Variants in KLHDC4 observed in about 807,000 individuals in gnomAD.
KLHDC4 encodes the protein kelch domain-containing protein 4.
Under a neutral mutation model 62.4 loss-of-function variants are expected in KLHDC4, and 90 were observed. The ratio of observed to expected loss-of-function variants is 1.44; its 90% CI spans 1.22 to 1.72. The LOEUF (loss-of-function observed/expected upper bound fraction) is 1.72, where lower values mean the gene tolerates loss of function less well. Ranked by LOEUF, KLHDC4 falls within the 40% of genes most tolerant of loss-of-function variation. The probability of loss-of-function intolerance (pLI) is 0.00; values close to 1 mark genes in which losing one functional copy is unlikely to be tolerated. For synonymous variants in KLHDC4, 386 were observed against 284.4 expected (o/e 1.36, Z -3.59); for missense variants, 1,025 against 699.7 (o/e 1.47, Z -5.25).
chr16:87,726,820 T>C lies in KLHDC4; in HGVS notation c.704A>G (p.Gln235Arg), dbSNP rs1445224500. ...GCCGCCCTGGGGAGTGACGGACATC[T>C]GGCAGCCTGATCTGGGTGTGGGCCC... Reference protein sequence around the residue: ...GTGPTPRSGCQMSVTPQGGIV... With the variant: ...GTGPTPRSGCRMSVTPQGGIV... Residue 235 changes from glutamine to arginine, a missense_variant, in exon 7 of 12, where the codon CAG (glutamine) becomes CGG (arginine). By Grantham distance (43) the Gln-to-Arg change is conservative. Transcript: ENST00000270583. The C allele has an allele frequency of 6.2e-7, 1 of 1,611,232 alleles. No homozygotes were observed. The highest frequency in any genetic ancestry group is 1.7e-5 in the Admixed American group (1 of 59,656).
intron 5 of KLHDC4, among the ~76,000 whole-genome samples, chr16:87,746,941 G>C (rs373609521): frequency 7.2e-5 from 11 of 152,184 alleles, no homozygotes; most frequent in African/African-American, 2.4e-4. Context: ...CGGATGTCCC[G>C]CGTACGACCG....
chr16:87,756,549 C>T, intron 2 of KLHDC4, 72 bp from the exon 3 acceptor site: 2 of 1,094,558 alleles, frequency 1.8e-6, no homozygotes, highest in Non-Finnish European at 2.8e-6. Context: ...CCCTTCCTCA[C>T]AGAATCCTCT....
chr16:87,722,554 G>A (rs545072336), intron 7 of KLHDC4, among the ~76,000 whole-genome samples: 1 of 152,342 alleles, frequency 6.6e-6, no homozygotes, highest in African/African-American at 2.4e-5. Context: ...CACTGTCCAG[G>A]CACCAGGCAC....
intron 5 of KLHDC4, among the ~76,000 whole-genome samples, chr16:87,746,489 G>A (rs545921973): frequency 6.6e-6 from 1 of 152,190 alleles, no homozygotes; most frequent in African/African-American, 2.4e-5. Flanking sequence ...CTTATCAGAC[G>A]CACACTCCAC....
rs190376866 is a variant in KLHDC4 at position 87,756,166 on chromosome 16, C to T, written c.270+233G>A. 212 of 390,690 alleles carry T rather than the reference C, an allele frequency of 5.4e-4. 2 individuals are homozygous for T. In the East Asian group the frequency reaches 7.9e-3, roughly 15 times the overall value. 24.2% of individuals were successfully genotyped at this position (390,690 alleles called of 1,614,324 possible). ...CCCGCCAAGAGTGATGACGGCAGAG[C>T]TGGGCCTCAGCCTAAGTCCCAGGAA... On this transcript the variant is annotated intron_variant, in intron 3 of 11. Coordinates refer to ENST00000270583, the MANE Select transcript of KLHDC4 (RefSeq NM_017566.4).
At chr16:87,725,190 G>C (rs1159954842) in intron 7 of KLHDC4, among the ~76,000 whole-genome samples, 1 of 152,156 alleles carries the variant, frequency 6.6e-6, no homozygotes, top group Non-Finnish European at 1.5e-5. Context: ...GGTGGGCAGC[G>C]GGGCCGAGTG....
intron 7 of KLHDC4, among the ~76,000 whole-genome samples, chr16:87,718,954 G>A (rs889963419): frequency 3.3e-5 from 5 of 150,764 alleles, no homozygotes; most frequent in Admixed American, 3.3e-4. Context: ...CTGCCCGGCC[G>A]CCCGGTCTGA....
intron 4 of KLHDC4, among the ~76,000 whole-genome samples, chr16:87,754,005 T>C (rs1012276122): frequency 6.9e-6 from 1 of 144,700 alleles, no homozygotes; most frequent in Non-Finnish European, 1.5e-5. Context: ...CCGGACGTGG[T>C]GGCATGTGCC....
At chr16:87,754,682 C>G (rs2044574203) in intron 4 of KLHDC4, among the ~76,000 whole-genome samples, 1 of 152,196 alleles carries the variant, frequency 6.6e-6, no homozygotes, top group African/African-American at 2.4e-5. Context: ...ACAGAGCTTA[C>G]AGAACGTCTA....
exon 1 of KLHDC4, chr16:87,700,969 G>T (rs147972831): frequency 2.5e-4 from 57 of 224,784 alleles, no homozygotes; most frequent in Middle Eastern, 1.3e-3. Context: ...GTCAGGTGAG[G>T]CAGTCGGTAC....
At chr16:87,739,097 T>C (rs796409205) in intron 5 of KLHDC4, among the ~76,000 whole-genome samples, 6,515 of 22,998 alleles carry the variant, frequency 0.28, 1 homozygote, top group Admixed American at 0.31. Flanking sequence ...ACCTCATCCA[T>C]CCACACACCA....
chr16:87,749,501 C>T (rs1468270210), intron 4 of KLHDC4, among the ~76,000 whole-genome samples: 2 of 147,838 alleles, frequency 1.4e-5, no homozygotes, highest in Non-Finnish European at 3.0e-5. Flanking sequence ...GTGCAGTGAG[C>T]CAAGACTGTG....
At chr16:87,715,046 G>A (rs957872507) in intron 7 of KLHDC4, among the ~76,000 whole-genome samples, 2 of 152,112 alleles carry the variant, frequency 1.3e-5, no homozygotes, top group Non-Finnish European at 2.9e-5. Flanking sequence ...AAAACAACGC[G>A]CTCCATGTCC....
chr16:87,743,144 G>C (rs948847996), intron 5 of KLHDC4: 2 of 152,210 alleles, frequency 1.3e-5, no homozygotes, highest in African/African-American at 4.8e-5. Context: ...CCTCACTTGT[G>C]GCCCAGGTTG....
chr16:87,748,450 GAAC>G (rs572567229), intron 5 of KLHDC4, among the ~76,000 whole-genome samples: 41 of 152,300 alleles, frequency 2.7e-4, no homozygotes, highest in Non-Finnish European at 4.7e-4. Flanking sequence ...GGAACCTGGA[GAAC>G]AACACCAGGC....
chr16:87,752,433 T>C (rs941948642), intron 4 of KLHDC4, among the ~76,000 whole-genome samples: 4 of 150,700 alleles, frequency 2.7e-5, no homozygotes, highest in African/African-American at 9.8e-5. Context: ...ACGCCCCTGG[T>C]TCAAGCGATT....
chr16:87,765,020 T>G (rs148883918), intron 1 of KLHDC4: 34 of 426,524 alleles, frequency 8.0e-5, no homozygotes, highest in African/African-American at 6.2e-4. Flanking sequence ...ATGGTTCACC[T>G]GTTGGTCTTC....
intron 3 of KLHDC4, 46 bp downstream of exon 3, chr16:87,756,353 G>T: frequency 7.4e-7 from 1 of 1,360,390 alleles, no homozygotes; most frequent in Non-Finnish European, 1.1e-6. Flanking sequence ...TCTGTCAAAT[G>T]ATACTCACGC....
downstream of KLHDC4, among the ~76,000 whole-genome samples, chr16:87,704,601 G>A (rs891283791): frequency 6.6e-6 from 1 of 151,752 alleles, no homozygotes; most frequent in South Asian, 2.1e-4. Flanking sequence ...GGAGAAGGAG[G>A]CGCCTGGGGA....
Sources: gnomAD v4.1 joint callset for allele counts (sites outside exome capture counted in the v4.1 genomes callset) on GRCh38, gnomAD v4.1.1 for gene constraint, MANE v1.5 for transcripts, NCBI Gene and HGNC (gene_info 2026-07-23, HGNC 2026-07-21) for gene names.